Variants in EXOC4 observed in about 807,000 individuals in gnomAD.
EXOC4 encodes SEC8-like 1.
EXOC4 carries 71 observed loss-of-function variants against 107.2 expected under a neutral mutation model. That is an observed-to-expected ratio of 0.66 (90% CI 0.55 to 0.81). EXOC4 has a LOEUF of 0.81. Ranked by LOEUF, EXOC4 falls within the 30% of genes least tolerant of loss-of-function variation. The pLI is 0.00. For synonymous variants in EXOC4, 456 were observed against 441.2 expected, an observed-to-expected ratio of 1.03 and a Z score of -0.42; for missense variants, 1,108 against 1,189.6, an observed-to-expected ratio of 0.93 and a Z score of 1.01.
chr7:133,905,124 C>T (rs1799538538), intron 12 of EXOC4, among the ~76,000 whole-genome samples: 1 of 152,234 alleles, frequency 6.6e-6, no homozygotes, highest in African/African-American at 2.4e-5. Context: ...ATGTGATCCT[C>T]AGCAGATATC....
At chr7:133,816,082 A>G (rs939553255) in intron 10 of EXOC4, among the ~76,000 whole-genome samples, 5 of 152,200 alleles carry the variant, frequency 3.3e-5, no homozygotes, top group Non-Finnish European at 7.3e-5. Flanking sequence ...AAGGGATGTG[A>G]TTGGTCACTA....
intron 11 of EXOC4, among the ~76,000 whole-genome samples, chr7:133,861,920 C>T (rs1374363015): frequency 3.9e-5 from 6 of 152,096 alleles, no homozygotes; most frequent in Admixed American, 3.9e-4. Context: ...GTTTAGAGGA[C>T]AGGTACCTTT....
At chr7:133,356,682 A>T (rs1326765904) in intron 6 of EXOC4, 109 bp downstream of exon 6, 2 of 1,325,168 alleles carry the variant, frequency 1.5e-6, no homozygotes, top group Non-Finnish European at 2.1e-6. Context: ...TGAACTTAGG[A>T]TACTATAGCC....
intron 12 of EXOC4, among the ~76,000 whole-genome samples, chr7:133,910,335 T>C (rs987178543): frequency 6.6e-6 from 1 of 152,234 alleles, no homozygotes; most frequent in Non-Finnish European, 1.5e-5. Flanking sequence ...AACTTGTCTA[T>C]TTAAAGGTTG....
At chr7:133,856,957 C>T (rs1313046792) in intron 11 of EXOC4, among the ~76,000 whole-genome samples, 18 of 149,944 alleles carry the variant, frequency 1.2e-4, no homozygotes, top group Non-Finnish European at 2.7e-4. Flanking sequence ...AAAAATTAGG[C>T]CTGGTGGCAC....
intron 17 of EXOC4, among the ~76,000 whole-genome samples, chr7:134,039,722 A>C (rs911393817): frequency 6.6e-6 from 1 of 152,184 alleles, no homozygotes; most frequent in Non-Finnish European, 1.5e-5. Context: ...AAGAGTTTAC[A>C]TGCAAAGCTC....
At chr7:133,581,090 G>A (rs1175926164) in intron 9 of EXOC4, among the ~76,000 whole-genome samples, 1 of 152,186 alleles carries the variant, frequency 6.6e-6, no homozygotes, top group Non-Finnish European at 1.5e-5. Flanking sequence ...GGCCTGTGAA[G>A]ACTGGGCCTA....
chr7:133,431,709 A>G (rs1404503806), intron 7 of EXOC4, among the ~76,000 whole-genome samples: 1 of 152,210 alleles, frequency 6.6e-6, no homozygotes, highest in Non-Finnish European at 1.5e-5. Context: ...CCACATTTGC[A>G]TGTTAAGTGG....
At chr7:133,674,039 G>A (rs1179736155) in intron 10 of EXOC4, among the ~76,000 whole-genome samples, 1 of 152,152 alleles carries the variant, frequency 6.6e-6, no homozygotes, top group Non-Finnish European at 1.5e-5. Flanking sequence ...TTCAAGGAAG[G>A]CAAGGAATTT....
At chr7:134,082,443 AGTT>A in the EXOC4 span, among the ~76,000 whole-genome samples, 3 of 151,824 alleles carry the variant, frequency 2.0e-5, no homozygotes, top group South Asian at 2.1e-4. Flanking sequence ...TAGTTTTTAT[AGTT>A]GTTGTTGTTG....
At chr7:133,491,794 T>C (rs1799377121) in intron 9 of EXOC4, among the ~76,000 whole-genome samples, 1 of 151,966 alleles carries the variant, frequency 6.6e-6, no homozygotes, top group East Asian at 1.9e-4. Context: ...TCATAGGAGG[T>C]ATTACAAAGG....
At chr7:133,637,635 A>G (rs1018710773) in intron 10 of EXOC4, among the ~76,000 whole-genome samples, 2 of 152,194 alleles carry the variant, frequency 1.3e-5, no homozygotes, top group Non-Finnish European at 2.9e-5. Context: ...GCTCAGAATT[A>G]TGAAAAAATA....
intron 12 of EXOC4, among the ~76,000 whole-genome samples, chr7:133,897,231 A>T (rs910210782): frequency 1.3e-5 from 2 of 148,262 alleles, no homozygotes; most frequent in Non-Finnish European, 3.0e-5. Flanking sequence ...CAGCAAGAAG[A>T]ATGATCCACA....
At chr7:133,598,606 A>G (rs946808906) in intron 9 of EXOC4, among the ~76,000 whole-genome samples, 2 of 152,236 alleles carry the variant, frequency 1.3e-5, no homozygotes, top group African/African-American at 4.8e-5. Context: ...TACTTTTGCA[A>G]CTGTACATTT....
intron 12 of EXOC4, among the ~76,000 whole-genome samples, chr7:133,897,986 T>C (rs937920059): frequency 6.6e-6 from 1 of 151,888 alleles, no homozygotes; most frequent in Non-Finnish European, 1.5e-5. Context: ...TTGAGCAACA[T>C]CTCCCCACCT....
At chr7:133,344,388 T>C (rs1456045242) in intron 5 of EXOC4, among the ~76,000 whole-genome samples, 8 of 152,210 alleles carry the variant, frequency 5.3e-5, no homozygotes, top group Non-Finnish European at 7.3e-5. Flanking sequence ...AGTATGAGTC[T>C]GTTCATCATT....
chr7:133,827,819 T>C (rs1200522690), intron 11 of EXOC4, among the ~76,000 whole-genome samples: 1 of 152,232 alleles, frequency 6.6e-6, no homozygotes, highest in Non-Finnish European at 1.5e-5. Context: ...GAGGGACTAC[T>C]GAATGAGAAA....
chr7:134,080,869 C>A, the EXOC4 span, among the ~76,000 whole-genome samples: 2 of 151,850 alleles, frequency 1.3e-5, no homozygotes, highest in African/African-American at 4.8e-5. Flanking sequence ...CTGCTTGAGC[C>A]CAGAAGTTCG....
chr7:133,568,925 C>T (rs555672017), intron 9 of EXOC4, among the ~76,000 whole-genome samples: 50 of 152,138 alleles, frequency 3.3e-4, no homozygotes, highest in African/African-American at 1.1e-3. Flanking sequence ...GTTGATGTAC[C>T]GTGTGAATAG....
Sources: gnomAD v4.1 joint callset for allele counts (sites outside exome capture counted in the v4.1 genomes callset) on GRCh38, gnomAD v4.1.1 for gene constraint, MANE v1.5 for transcripts, NCBI Gene and HGNC (gene_info 2026-07-23, HGNC 2026-07-21) for gene names.